Variants in AUTS2 observed in about 807,000 individuals in gnomAD.
AUTS2 encodes the protein autism susceptibility gene 2 protein.
A neutral mutation model predicts 112.4 loss-of-function variants in AUTS2; 17 were observed. The ratio of observed to expected loss-of-function variants is 0.15; its 90% confidence interval spans 0.10 to 0.23. AUTS2 has a LOEUF of 0.23. Ranked by LOEUF, AUTS2 falls within the 10% of genes least tolerant of loss-of-function variation. AUTS2 has a pLI of 1.00. For synonymous variants in AUTS2, 751 were observed against 702.7 expected (o/e 1.07, Z -1.09); for missense variants, 1,510 against 1,701.6 (o/e 0.89, Z 1.98).
chr7:69,732,028 A>T (rs1490111036), intron 1 of AUTS2, among the ~76,000 whole-genome samples: 2 of 151,848 alleles, frequency 1.3e-5, no homozygotes, highest in Non-Finnish European at 2.9e-5. Context: ...GCCATGCCTC[A>T]CTAGCCTAGT....
rs535618689 is a variant in AUTS2, at chr7:70,409,293, G to A, written c.661-26459G>A. On this transcript the variant is annotated intron_variant, in intron 4 of 18. Transcript: ENST00000342771. ...GTACATGCATGTACAAGTCAGGAGT[G>A]TGCTGTGTACTTGTCTAGTATCACT... Among the ~76,000 whole-genome samples the A allele has an allele frequency of 3.3e-5, 5 of 152,282 alleles. No individual in the cohort carries two copies. In the East Asian group the frequency reaches 9.6e-4, roughly 29 times the overall value.
chr7:70,652,894 G>A (rs1023018315), intron 5 of AUTS2, among the ~76,000 whole-genome samples: 1 of 152,048 alleles, frequency 6.6e-6, no homozygotes, highest in Non-Finnish European at 1.5e-5. Flanking sequence ...TTTTTGTAAT[G>A]TACATACTCT....
At chr7:70,733,530 C>G in intron 6 of AUTS2, among the ~76,000 whole-genome samples, 1 of 135,470 alleles carries the variant, frequency 7.4e-6, no homozygotes, top group Admixed American at 7.5e-5. Context: ...CACCTGTACT[C>G]TCACCACCCC....
At chr7:70,309,192 A>T (rs922676757) in intron 4 of AUTS2, among the ~76,000 whole-genome samples, 2 of 152,174 alleles carry the variant, frequency 1.3e-5, no homozygotes, top group Admixed American at 1.3e-4. Flanking sequence ...TATTAAAGTG[A>T]TTTATTTATT....
chr7:70,698,501 G>A (rs1809260424), intron 5 of AUTS2, 68 bp from the exon 6 acceptor site: 2 of 1,300,178 alleles, frequency 1.5e-6, no homozygotes, highest in Admixed American at 1.9e-5. Flanking sequence ...TAAAATAATG[G>A]GAATGTTGAT....
In AUTS2 at chr7:70,483,209, C is replaced by G. The variant is rs374247174; in HGVS notation, c.690+47428C>G. ...GACTGGCTGTCTTCTACTGTGTGCT[C>G]CAGTTTATCTCCAAGGGTCAAGCAA... On this transcript the variant is annotated intron_variant, in intron 5 of 18. Coordinates refer to ENST00000342771, the MANE Select transcript of AUTS2 (RefSeq NM_015570.4). Among the ~76,000 whole-genome samples the G allele has an allele frequency of 8.8e-5, 13 of 147,290 alleles. No homozygotes were observed. In the South Asian group the frequency reaches 2.8e-3, roughly 32 times the overall value.
intron 4 of AUTS2, among the ~76,000 whole-genome samples, chr7:70,272,181 A>T (rs933592957): frequency 6.6e-6 from 1 of 151,966 alleles, no homozygotes; most frequent in Non-Finnish European, 1.5e-5. Flanking sequence ...AGATAAAATG[A>T]ATTTTATATC....
intron 5 of AUTS2, among the ~76,000 whole-genome samples, chr7:70,562,315 T>C (rs1801523076): frequency 6.6e-6 from 1 of 152,226 alleles, no homozygotes; most frequent in African/African-American, 2.4e-5. Flanking sequence ...ACATGTCACT[T>C]TCCTACCTGA....
At chr7:69,873,106 G>C (rs560693770) in intron 1 of AUTS2, among the ~76,000 whole-genome samples, 1 of 151,888 alleles carries the variant, frequency 6.6e-6, no homozygotes, top group African/African-American at 2.4e-5. Flanking sequence ...GCCTCCCAGA[G>C]ATATAGTCTA....
At position 70,446,216 on chromosome 7, in the gene AUTS2, G is replaced by C. The variant is rs552150278; in HGVS notation, c.690+10435G>C. ...TTTCTTTTTTAACAGCAAATGCTGC[G>C]TGGGCTGTTCCTGCAGCCCAAATGA... On this transcript the variant is annotated intron_variant, in intron 5 of 18. Transcript: ENST00000342771. 5.9e-5 allele frequency among the ~76,000 whole-genome samples: 9 copies of C among 152,358 alleles called. No individual in the cohort carries two copies. The South Asian group carries it at 1.9e-3, about 32-fold the overall frequency.
At chr7:70,307,711 C>T (rs565183285) in intron 4 of AUTS2, among the ~76,000 whole-genome samples, 2 of 152,310 alleles carry the variant, frequency 1.3e-5, no homozygotes, top group South Asian at 2.1e-4. Flanking sequence ...TACCAGCACT[C>T]CTTCCTCTAT....
intron 5 of AUTS2, among the ~76,000 whole-genome samples, chr7:70,514,574 G>A (rs1417071760): frequency 6.6e-6 from 1 of 152,236 alleles, no homozygotes; most frequent in Non-Finnish European, 1.5e-5. Context: ...CCATTCATGA[G>A]AGTTCCGTCC....
chr7:70,423,015 T>C (rs1024603511), intron 4 of AUTS2, among the ~76,000 whole-genome samples: 4 of 152,118 alleles, frequency 2.6e-5, no homozygotes, highest in Non-Finnish European at 5.9e-5. Context: ...GAGCAAACTC[T>C]GAGATACTGT....
At position 70,576,779 on chromosome 7, in the gene AUTS2, G is replaced by A. The variant is rs1386977965; in HGVS notation, c.691-121790G>A. 2.6e-5 allele frequency among the ~76,000 whole-genome samples: 4 copies of A among 151,936 alleles called. No homozygotes were observed. The South Asian group carries it at 6.3e-4, about 24-fold the overall frequency. ...GTCTTTTCGTAATATATTAATAGAC[G>A]CCACTAGGATAAAGGATTTTGTTTG... On this transcript the variant is annotated intron_variant, in intron 5 of 18. Coordinates refer to ENST00000342771, the MANE Select transcript of AUTS2 (RefSeq NM_015570.4).
chr7:70,492,979 A>G (rs1798310494), intron 5 of AUTS2, among the ~76,000 whole-genome samples: 1 of 151,708 alleles, frequency 6.6e-6, no homozygotes, highest in African/African-American at 2.4e-5. Context: ...TCCCCCGTAA[A>G]CCCCCTTTCC....
In AUTS2 at chr7:70,626,519, T is replaced by C. The variant is rs114971142; in HGVS notation, c.691-72050T>C. ...TAAATAACTCACTTTTTAAAAAATT[T>C]CCACTTTTATTTTAGATTTAGGGGC... On this transcript the variant is annotated intron_variant, in intron 5 of 18. Transcript: ENST00000342771. Among the ~76,000 whole-genome samples, 655 of 152,144 alleles carry C rather than the reference T, an allele frequency of 4.3e-3. 5 individuals carry two copies. The highest frequency in any genetic ancestry group is 0.015 in the African/African-American group (623 of 41,514).
At chr7:69,940,135 C>T (rs1395213400) in intron 2 of AUTS2, among the ~76,000 whole-genome samples, 2 of 152,192 alleles carry the variant, frequency 1.3e-5, no homozygotes, top group African/African-American at 2.4e-5. Flanking sequence ...CTAACTCCCA[C>T]AAGGTTTCAC....
intron 1 of AUTS2, among the ~76,000 whole-genome samples, chr7:69,666,932 T>C (rs934518894): frequency 3.9e-5 from 6 of 151,996 alleles, no homozygotes; most frequent in African/African-American, 1.5e-4. Context: ...ATACAGTACA[T>C]GTCTGGCAAG....
intron 4 of AUTS2, among the ~76,000 whole-genome samples, chr7:70,218,656 T>G (rs1197888019): frequency 1.3e-5 from 2 of 152,232 alleles, no homozygotes; most frequent in African/African-American, 2.4e-5. Flanking sequence ...ACTAATTAAA[T>G]CATTACTTAA....
Sources: gnomAD v4.1 joint callset for allele counts (sites outside exome capture counted in the v4.1 genomes callset) on GRCh38, gnomAD v4.1.1 for gene constraint, MANE v1.5 for transcripts, NCBI Gene and HGNC (gene_info 2026-07-23, HGNC 2026-07-21) for gene names.